FCSK: variants seen among roughly 807,000 people sequenced by gnomAD.
FCSK encodes the protein fucose kinase, also known as L-fucose kinase.
A neutral mutation model predicts 122.5 loss-of-function variants in FCSK; 123 were observed. The ratio of observed to expected loss-of-function variants is 1.00; its 90% CI spans 0.87 to 1.17. The LOEUF (loss-of-function observed/expected upper bound fraction) is 1.17. Among genes scored for constraint, FCSK ranks in the 50% most tolerant of loss-of-function variants. The probability of loss-of-function intolerance (pLI) is 0.00; values close to 1 mark genes in which losing one functional copy is unlikely to be tolerated. For missense variants in FCSK, 1,366 were observed against 1,450.4 expected, an observed-to-expected ratio of 0.94 and a Z score of 0.95; for synonymous variants, 620 against 625.5, an observed-to-expected ratio of 0.99 and a Z score of 0.13.
chr16:70,464,945 C>A lies in FCSK; in HGVS notation c.235-181C>A, dbSNP rs939014405. ...TGGCCCAGGTGGAGGGCCCTGGGAT[C>A]CCTTATCCAGGAGGGACCAGGGCTG... On this transcript the variant is annotated intron_variant, in intron 3 of 23. Transcript: ENST00000288078. 3.5e-5 allele frequency: 47 copies of A among 1,355,812 alleles called. 1 individual carries two copies. The East Asian group carries it at 1.1e-3, about 32-fold the overall frequency. 84.0% of individuals were successfully genotyped at this position (1,355,812 alleles called of 1,614,324 possible). A position where few individuals can be genotyped will look rare whatever the true frequency, so the allele number is the denominator to read the frequency against.
Position 70,479,279 on chromosome 16 carries a change from A to G in FCSK, c.3029A>G (p.Asp1010Gly). 1 of 1,613,996 alleles carries G rather than the reference A, an allele frequency of 6.2e-7. No individual in the cohort carries two copies. Among genetic ancestry groups the G allele is most frequent in the Non-Finnish European group, 8.5e-7 (1 of 1,180,028 alleles). Residue 1010 changes from aspartate to glycine, a missense_variant, in exon 23 of 24, where the codon GAT (aspartate) becomes GGT (glycine). By Grantham distance (94) the Asp-to-Gly change is moderately conservative (BLOSUM62 -1). Transcript: ENST00000288078. ...CEPLTVRRMMDVLAPHVHGQS... is the reference protein window; with the variant it reads ...CEPLTVRRMMGVLAPHVHGQS... ...CCCCTGACTGTGCGGCGTATGATGG[A>G]TGTCCTGGCCCCCCACGTGCATGGC...
chr16:70,463,359 C>T (rs891692279), intron 2 of FCSK, 87 bp downstream of exon 2: 3 of 1,197,646 alleles, frequency 2.5e-6, no homozygotes, highest in African/African-American at 3.0e-5. Flanking sequence ...GGTGCCAGGC[C>T]AACCTGGGTT....
rs1276408424 is a variant in FCSK at position 70,473,749 on chromosome 16, C to T, written c.1778-380C>T. ...ACTTCCGGGGGCTCACAGCCTTAGC[C>T]TCCTAGGCTGAACCTCATGGAAGGT... On this transcript the variant is annotated intron_variant, in intron 15 of 23. Transcript: ENST00000288078. This position sits in a 1 kb window ranked among gnomAD's most constrained non-coding sequence, Gnocchi z 4.9. 1.3e-5 allele frequency among the ~76,000 whole-genome samples: 2 copies of T among 152,204 alleles called. No individual in the cohort carries two copies. The highest frequency in any genetic ancestry group is 2.9e-5 in the Non-Finnish European group (2 of 68,036).
chr16:70,461,634 G>A (rs747441161), intron 1 of FCSK, among the ~76,000 whole-genome samples: 3 of 152,126 alleles, frequency 2.0e-5, no homozygotes, highest in African/African-American at 2.4e-5. Flanking sequence ...GTGCATATGC[G>A]CTCCCCACAG....
At chr16:70,465,223 G>T (rs1201607664) in intron 4 of FCSK, 47 bp downstream of exon 4, 4 of 1,563,384 alleles carry the variant, frequency 2.6e-6, no homozygotes, top group Non-Finnish European at 3.5e-6. Context: ...CAGAATCCCA[G>T]TTCGTGGAGT....
At chr16:70,461,078 G>A (rs185026123) in intron 1 of FCSK, among the ~76,000 whole-genome samples, 2 of 152,318 alleles carry the variant, frequency 1.3e-5, no homozygotes, top group African/African-American at 4.8e-5. Flanking sequence ...TTCTGACAGA[G>A]GCTTTTCCTG....
At position 70,467,892 on chromosome 16, in the gene FCSK, G is replaced by GT. The variant is rs757132416; in HGVS notation, c.593dup (p.Leu198PhefsTer9). 17 of 1,614,082 alleles carry GT rather than the reference G, an allele frequency of 1.1e-5. No individual in the cohort carries two copies. Among genetic ancestry groups the GT allele is most frequent in the Non-Finnish European group, 1.4e-5 (16 of 1,179,940 alleles). On this transcript the variant is annotated frameshift_variant, in exon 8 of 24. Transcript: ENST00000288078. LOFTEE classifies it high-confidence loss of function. Reference sequence around the variant, plus strand: ...TGTTTCTCCCTGCACATAGGGCCTTGTTTTGGACATTTACTACCAGGGCAC... The same window carrying GT: ...TGTTTCTCCCTGCACATAGGGCCTTGTTTTTGGACATTTACTACCAGGGCAC...
chr16:70,468,796 C>T (rs1227447976), intron 8 of FCSK, 53 bp from the exon 9 acceptor site: 1 of 1,607,888 alleles, frequency 6.2e-7, no homozygotes, highest in African/African-American at 1.3e-5. Flanking sequence ...CTGACTTGTA[C>T]CAGGGCCTGG....
At chr16:70,477,452 G>A (rs1170291530) in intron 20 of FCSK, 2 of 152,210 alleles carry the variant, frequency 1.3e-5, no homozygotes, top group African/African-American at 4.8e-5. Context: ...AAAGTGCTGG[G>A]ATTACAAGCG....
At chr16:70,464,920 TGGCCCAGGTGGAG>T in intron 3 of FCSK, 193 bp from the exon 4 acceptor site, 1 of 998,702 alleles carries the variant, frequency 1.0e-6, no homozygotes. Flanking sequence ...AGCAAGAAGG[TGGCCCAGGTGGAG>T]GGCCCTGGGA....
intron 15 of FCSK, 125 bp from the exon 16 acceptor site, chr16:70,474,004 T>C (rs1200616279): frequency 1.2e-6 from 1 of 831,808 alleles, no homozygotes; most frequent in Non-Finnish European, 1.9e-6. Context: ...CAAAGATACA[T>C]TGTGGGCAAA....
chr16:70,467,874 C>G lies in FCSK; in HGVS notation c.583-12C>G, dbSNP rs980033049. On this transcript the variant is annotated splice_polypyrimidine_tract_variant and intron_variant, in intron 7 of 23. Transcript: ENST00000288078. ...TGCTCCCTCCGCTGATTCTGTTTCT[C>G]CCTGCACATAGGGCCTTGTTTTGGA... 1 of 1,612,156 alleles carries G rather than the reference C, an allele frequency of 6.2e-7. No individual in the cohort carries two copies. Among genetic ancestry groups the G allele is most frequent in the African/African-American group, 1.3e-5 (1 of 74,890 alleles).
At position 70,471,336 on chromosome 16, in the gene FCSK, G is replaced by A. The variant is rs377241951; in HGVS notation, c.1325G>A (p.Arg442His). 3.1e-5 allele frequency: 50 copies of A among 1,588,202 alleles called. No homozygotes were observed. Among genetic ancestry groups the A allele is most frequent in the Non-Finnish European group, 3.6e-5 (42 of 1,165,482 alleles). The change falls in exon 13 of 24, where the codon CGT (arginine) becomes CAT (histidine). Residue 442 changes from arginine (R) to histidine (H), a missense_variant. Arg to His is a conservative substitution (Grantham distance 29). Coordinates refer to ENST00000288078, the MANE Select transcript of FCSK (RefSeq NM_145059.3). The stretch of plus-strand genomic sequence containing the variant: ...GGCCACGCCTTCACCCTCGTTGGCC[G>A]TCTGGACAGCTGGGAGGTAGGCAGT... Reference protein sequence around the residue: ...SPGHAFTLVGRLDSWERQGAG... With the variant: ...SPGHAFTLVGHLDSWERQGAG...
chr16:70,478,862 C>G, intron 22 of FCSK: 1 of 700,536 alleles, frequency 1.4e-6, no homozygotes, highest in East Asian at 2.7e-5. Flanking sequence ...GGCCCTCCAG[C>G]CCTAACAGGA....
intron 22 of FCSK, chr16:70,478,913 A>G: frequency 1.4e-6 from 1 of 696,290 alleles, no homozygotes; most frequent in South Asian, 1.5e-5. Flanking sequence ...CTGAGTTCCA[A>G]GGAAGTCTGA....
At chr16:70,461,691 G>GA (rs2048270654) in intron 1 of FCSK, among the ~76,000 whole-genome samples, 1 of 152,106 alleles carries the variant, frequency 6.6e-6, no homozygotes. Flanking sequence ...GAGCCTGGGG[G>GA]GTGGGGTTAG....
chr16:70,471,427 C>A, intron 13 of FCSK, 75 bp downstream of exon 13: 2 of 1,426,500 alleles, frequency 1.4e-6, no homozygotes, highest in Non-Finnish European at 1.9e-6. Flanking sequence ...GCCCCCACCC[C>A]ACTGCGGGGT....
At chr16:70,471,899 G>A (rs1337128120) in intron 13 of FCSK, among the ~76,000 whole-genome samples, 4 of 147,440 alleles carry the variant, frequency 2.7e-5, no homozygotes, top group Admixed American at 1.4e-4. Flanking sequence ...TCTGCCTCCC[G>A]GGTTCACGCC....
At chr16:70,478,751 G>A (rs2151733391) in intron 22 of FCSK, 101 bp downstream of exon 22, 4 of 953,710 alleles carry the variant, frequency 4.2e-6, no homozygotes, top group Non-Finnish European at 6.6e-6. Context: ...ACAAGCTCCA[G>A]ATATTCGGCC....
Sources: gnomAD v4.1 joint callset for allele counts (sites outside exome capture counted in the v4.1 genomes callset) on GRCh38, gnomAD v4.1.1 for gene constraint, Gnocchi (gnomAD v3.1) non-coding constraint, MANE v1.5 for transcripts, NCBI Gene and HGNC (gene_info 2026-07-23, HGNC 2026-07-21) for gene names.